The following RBFOX2 variants were observed in gnomAD, a reference collection of about 807,000 sequenced individuals.
RBFOX2 encodes the protein RNA binding fox-1 homolog 2.
RBFOX2 carries 10 observed loss-of-function variants against 49.1 expected under a neutral mutation model. The observed-to-expected ratio is 0.20, with a 90% CI of 0.13 to 0.35. The LOEUF is 0.35. Ranked by LOEUF, RBFOX2 falls within the 10% of genes least tolerant of loss-of-function variation. RBFOX2 has a pLI of 1.00. For synonymous variants in RBFOX2, 183 were observed against 187.4 expected, an observed-to-expected ratio of 0.98 and a Z score of 0.19; for missense variants, 323 against 486.9, an observed-to-expected ratio of 0.66 and a Z score of 3.17.
At chr22:35,935,851 C>T (rs968119992) in intron 1 of RBFOX2, among the ~76,000 whole-genome samples, 5 of 152,130 alleles carry the variant, frequency 3.3e-5, no homozygotes, top group African/African-American at 1.2e-4. Context: ...CTGTGTGCTT[C>T]AATTTCCTCA....
At chr22:35,891,766 T>A (rs1603441133) in intron 1 of RBFOX2, among the ~76,000 whole-genome samples, 1 of 152,030 alleles carries the variant, frequency 6.6e-6, no homozygotes, top group South Asian at 2.1e-4. Flanking sequence ...GAATCATATC[T>A]GTCTGTCTCT....
At chr22:35,862,451 T>C (rs557654181) in intron 1 of RBFOX2, among the ~76,000 whole-genome samples, 22 of 152,176 alleles carry the variant, frequency 1.4e-4, no homozygotes, top group African/African-American at 5.3e-4. Context: ...AAAGGTCTTC[T>C]GAAAAGGAAG....
At chr22:35,907,691 A>G (rs1454850915) in intron 1 of RBFOX2, among the ~76,000 whole-genome samples, 2 of 152,104 alleles carry the variant, frequency 1.3e-5, no homozygotes, top group Non-Finnish European at 2.9e-5. Context: ...TCCGTCGCGC[A>G]GGCTGGAATG....
At chr22:35,908,109 T>C (rs1225469521) in intron 1 of RBFOX2, among the ~76,000 whole-genome samples, 1 of 152,220 alleles carries the variant, frequency 6.6e-6, no homozygotes, top group African/African-American at 2.4e-5. Flanking sequence ...TATCCATAAC[T>C]ATTCCACACC....
chr22:35,845,757 G>GGTT (rs2041102423), intron 1 of RBFOX2, among the ~76,000 whole-genome samples: 2 of 152,234 alleles, frequency 1.3e-5, no homozygotes, highest in South Asian at 4.2e-4. Context: ...TCAATAACTG[G>GGTT]GTTGTCAAGA....
chr22:35,986,210 C>T (rs1447376177), intron 1 of RBFOX2, among the ~76,000 whole-genome samples: 1 of 152,112 alleles, frequency 6.6e-6, no homozygotes, highest in African/African-American at 2.4e-5. Flanking sequence ...GACACAGACA[C>T]CCCACATAGC....
At chr22:35,859,167 T>G (rs903350975) in intron 1 of RBFOX2, among the ~76,000 whole-genome samples, 1 of 152,142 alleles carries the variant, frequency 6.6e-6, no homozygotes, top group Non-Finnish European at 1.5e-5. Context: ...ATTGCTACTA[T>G]AGCCACCACC....
At chr22:35,818,649 T>C (rs765532259) in intron 1 of RBFOX2, among the ~76,000 whole-genome samples, 5 of 152,056 alleles carry the variant, frequency 3.3e-5, no homozygotes, top group Non-Finnish European at 7.4e-5. Flanking sequence ...TAGCCAGGTG[T>C]GGTGGCATGC....
intron 1 of RBFOX2, among the ~76,000 whole-genome samples, chr22:35,889,274 T>C (rs968520881): frequency 6.6e-6 from 1 of 152,192 alleles, no homozygotes; most frequent in South Asian, 2.1e-4. Flanking sequence ...GCTCGGGGCA[T>C]GCAGGTTTCT....
chr22:35,906,783 C>T (rs760602178), intron 1 of RBFOX2, among the ~76,000 whole-genome samples: 77 of 152,104 alleles, frequency 5.1e-4, no homozygotes, highest in Non-Finnish European at 9.1e-4. Flanking sequence ...CCACTGCATC[C>T]CAGCCTGGCC....
At chr22:35,857,913 G>T (rs1003578500) in intron 1 of RBFOX2, among the ~76,000 whole-genome samples, 1 of 152,080 alleles carries the variant, frequency 6.6e-6, no homozygotes, top group South Asian at 2.1e-4. Context: ...TCTTTTCTTC[G>T]ATCTCACATC....
At chr22:35,776,602 A>C (rs1210739033) in intron 4 of RBFOX2, among the ~76,000 whole-genome samples, 2 of 152,190 alleles carry the variant, frequency 1.3e-5, no homozygotes, top group Admixed American at 6.5e-5. Context: ...GAAATTGGAG[A>C]GGTAAATATT....
chr22:35,819,785 A>G (rs1049089973), intron 1 of RBFOX2, among the ~76,000 whole-genome samples: 3 of 152,246 alleles, frequency 2.0e-5, no homozygotes, highest in African/African-American at 7.2e-5. Context: ...GTAAAACAAT[A>G]AACAGATGGT....
At chr22:36,014,134 T>A (rs1349812821) in intron 1 of RBFOX2, among the ~76,000 whole-genome samples, 5 of 151,884 alleles carry the variant, frequency 3.3e-5, no homozygotes, top group African/African-American at 1.2e-4. Context: ...TTTTTTTTTT[T>A]TTATTGAGAC....
intron 2 of RBFOX2, among the ~76,000 whole-genome samples, chr22:35,784,594 C>T (rs1233505339): frequency 1.3e-5 from 2 of 152,268 alleles, no homozygotes; most frequent in Non-Finnish European, 2.9e-5. Context: ...TGCCCAAGGG[C>T]TGCATGGGCA....
chr22:35,962,847 G>C (rs577770778), upstream of RBFOX2, among the ~76,000 whole-genome samples: 1 of 152,050 alleles, frequency 6.6e-6, no homozygotes, highest in East Asian at 1.9e-4. Context: ...AGCCATATTT[G>C]ATAGCTGAGC....
intron 1 of RBFOX2, among the ~76,000 whole-genome samples, chr22:35,953,853 G>C (rs2055244620): frequency 6.6e-6 from 1 of 152,044 alleles, no homozygotes; most frequent in African/African-American, 2.4e-5. Flanking sequence ...GATTCAAAGT[G>C]GTTCTAAGCA....
At chr22:35,814,322 C>T (rs925392889) in intron 1 of RBFOX2, among the ~76,000 whole-genome samples, 3 of 152,010 alleles carry the variant, frequency 2.0e-5, no homozygotes, top group Admixed American at 2.0e-4. Context: ...TTACACACAT[C>T]CTCTTGTGTA....
chr22:35,891,303 G>A (rs1183116852), intron 1 of RBFOX2, among the ~76,000 whole-genome samples: 1 of 152,014 alleles, frequency 6.6e-6, no homozygotes, highest in Non-Finnish European at 1.5e-5. Context: ...CCAGCTAATT[G>A]TTTGTATTTT....
Sources: gnomAD v4.1 joint callset for allele counts (sites outside exome capture counted in the v4.1 genomes callset) on GRCh38, gnomAD v4.1.1 for gene constraint, MANE v1.5 for transcripts, NCBI Gene and HGNC (gene_info 2026-07-23, HGNC 2026-07-21) for gene names.